The following IGFL4 variants were observed in gnomAD, a reference collection of about 807,000 sequenced individuals.
IGFL4 encodes insulin growth factor-like family member 4.
In IGFL4, 12 loss-of-function variants were observed where a neutral mutation model predicts 15.4. The ratio of observed to expected loss-of-function variants is 0.78; its 90% CI spans 0.50 to 1.26. IGFL4 has a LOEUF of 1.26. Among genes scored for constraint, IGFL4 ranks in the 50% most tolerant of loss-of-function variants. IGFL4 has a pLI of 0.00. For synonymous variants in IGFL4, 54 were observed against 55.9 expected (o/e 0.97, Z 0.16); for missense variants, 126 against 147.8 (o/e 0.85, Z 0.76).
chr19:46,070,524 G>T (rs1969536096), intron 1 of IGFL4, among the ~76,000 whole-genome samples: 1 of 151,956 alleles, frequency 6.6e-6, no homozygotes, highest in African/African-American at 2.4e-5. Flanking sequence ...ATTTCTGGTG[G>T]TGTTACTAAT....
upstream of IGFL4, among the ~76,000 whole-genome samples, chr19:46,077,433 A>T (rs1179788221): frequency 2.0e-5 from 3 of 152,144 alleles, no homozygotes; most frequent in East Asian, 3.9e-4. This position sits in a 1 kb window ranked among gnomAD's most constrained non-coding sequence, Gnocchi z 5.4. Flanking sequence ...ACCGCCTGAC[A>T]TTGAAAAAGA....
At chr19:46,064,601 T>G (rs565408854) in intron 1 of IGFL4, among the ~76,000 whole-genome samples, 20 of 152,318 alleles carry the variant, frequency 1.3e-4, no homozygotes, top group African/African-American at 4.6e-4. Context: ...TCTGGCTTAT[T>G]TCACTTGGTA....
upstream of IGFL4, among the ~76,000 whole-genome samples, chr19:46,043,104 A>C (rs1343695335): frequency 5.9e-5 from 9 of 152,220 alleles, no homozygotes; most frequent in Non-Finnish European, 1.3e-4. Context: ...GTTGTAGAAT[A>C]CAAAGTCAAC....
intron 2 of IGFL4, among the ~76,000 whole-genome samples, chr19:46,046,198 A>C (rs973241613): frequency 1.3e-5 from 2 of 152,228 alleles, no homozygotes; most frequent in Non-Finnish European, 2.9e-5. Context: ...CTTTTCAGAC[A>C]AGCAAATGCT....
intron 1 of IGFL4, among the ~76,000 whole-genome samples, chr19:46,062,343 T>C (rs1463032065): frequency 6.6e-6 from 1 of 152,208 alleles, no homozygotes; most frequent in African/African-American, 2.4e-5. Context: ...ACTGATTCCC[T>C]AAGCCAGGAT....
intron 1 of IGFL4, among the ~76,000 whole-genome samples, chr19:46,067,577 T>C (rs868243816): frequency 6.6e-6 from 1 of 152,184 alleles, no homozygotes; most frequent in African/African-American, 2.4e-5. Flanking sequence ...CACATAAGTC[T>C]CATTGCCGAC....
chr19:46,071,784 G>T (rs978529557), intron 1 of IGFL4, among the ~76,000 whole-genome samples: 1 of 152,262 alleles, frequency 6.6e-6, no homozygotes, highest in African/African-American at 2.4e-5. Flanking sequence ...ACTTTGAGAG[G>T]CCAAGACAGG....
chr19:46,045,306 G>C (rs1969287452), upstream of IGFL4, among the ~76,000 whole-genome samples: 1 of 152,084 alleles, frequency 6.6e-6, no homozygotes, highest in Admixed American at 6.6e-5. Context: ...AGCTGGGCAT[G>C]GTGGCACATG....
chr19:46,049,209 C>T (rs184890084), intron 2 of IGFL4, among the ~76,000 whole-genome samples: 21 of 152,332 alleles, frequency 1.4e-4, no homozygotes, highest in Admixed American at 3.3e-4. Flanking sequence ...AGACCCACAT[C>T]ATGAAATTTT....
chr19:46,063,746 T>G (rs1969468568), intron 1 of IGFL4, among the ~76,000 whole-genome samples: 1 of 152,154 alleles, frequency 6.6e-6, no homozygotes, highest in Non-Finnish European at 1.5e-5. Flanking sequence ...TGGGAATAAA[T>G]CTAATAAAAG....
upstream of IGFL4, among the ~76,000 whole-genome samples, chr19:46,041,428 C>T (rs1271478526): frequency 6.6e-6 from 1 of 152,172 alleles, no homozygotes; most frequent in Non-Finnish European, 1.5e-5. Flanking sequence ...TGCAGACCTG[C>T]ACTGTCTATA....
At chr19:46,042,088 C>T (rs532335091), upstream of IGFL4, among the ~76,000 whole-genome samples, 9 of 30,550 alleles carry the variant, frequency 2.9e-4, no homozygotes, top group East Asian at 0.021. Flanking sequence ...CCTGCCCCAG[C>T]CTCCCAAAGT....
upstream of IGFL4, among the ~76,000 whole-genome samples, chr19:46,043,588 G>A (rs905457962): frequency 6.6e-6 from 1 of 152,200 alleles, no homozygotes; most frequent in Non-Finnish European, 1.5e-5. Flanking sequence ...TTGGCAAGTG[G>A]AGAGATACAT....
chr19:46,072,978 C>A (rs534512285), intron 1 of IGFL4, among the ~76,000 whole-genome samples: 10 of 151,978 alleles, frequency 6.6e-5, no homozygotes, highest in Non-Finnish European at 1.5e-4. Flanking sequence ...AAGCACTATC[C>A]CAGTTGGGAG....
At chr19:46,042,649 C>A (rs1034851613), upstream of IGFL4, among the ~76,000 whole-genome samples, 1 of 152,082 alleles carries the variant, frequency 6.6e-6, no homozygotes, top group Admixed American at 6.5e-5. Context: ...ATTACTTACA[C>A]AGACAGGGAA....
At chr19:46,063,067 C>T (rs1969460370) in intron 1 of IGFL4, 1 of 152,132 alleles carries the variant, frequency 6.6e-6, no homozygotes, top group African/African-American at 2.4e-5. Context: ...TCTAATCTGC[C>T]TAAGATGGGC....
At position 46,040,064 on chromosome 19, in the gene IGFL4, C is replaced by A. The variant is rs201788145; in HGVS notation, c.330+93G>T. ...CTGAGAGATGGGAAGGTATGGAACCCAGCAGAGACTGCACATCTGGGTGGG... is the reference window on the plus strand; with the variant it reads ...CTGAGAGATGGGAAGGTATGGAACCAAGCAGAGACTGCACATCTGGGTGGG... On this transcript the variant is annotated intron_variant, in intron 3 of 3. Coordinates refer to ENST00000377697, the MANE Select transcript of IGFL4 (RefSeq NM_001002923.3). This position sits in a 1 kb window ranked among gnomAD's most constrained non-coding sequence, Gnocchi z 4.1. The A allele has an allele frequency of 1.8e-3, 2,825 of 1,546,730 alleles. 7 individuals carry two copies. Among genetic ancestry groups the A allele is most frequent in the Non-Finnish European group, 2.4e-3 (2,637 of 1,120,826 alleles).
intron 1 of IGFL4, among the ~76,000 whole-genome samples, chr19:46,076,437 C>T (rs1288916945): frequency 6.6e-6 from 1 of 151,984 alleles, no homozygotes; most frequent in Non-Finnish European, 1.5e-5. Flanking sequence ...TTATTTTCAG[C>T]ACTTCCTTAT....
chr19:46,075,342 C>A (rs999411843), intron 1 of IGFL4, among the ~76,000 whole-genome samples: 3 of 152,204 alleles, frequency 2.0e-5, no homozygotes, highest in African/African-American at 7.2e-5. Context: ...TGTCCTGTCT[C>A]TTTAGCCTCC....
Sources: gnomAD v4.1 joint callset for allele counts (sites outside exome capture counted in the v4.1 genomes callset) on GRCh38, gnomAD v4.1.1 for gene constraint, Gnocchi (gnomAD v3.1) non-coding constraint, MANE v1.5 for transcripts, NCBI Gene and HGNC (gene_info 2026-07-23, HGNC 2026-07-21) for gene names.